EYS: variants seen among roughly 807,000 people sequenced by gnomAD.
The protein encoded by EYS is protein eyes shut homolog.
A neutral mutation model predicts 282.1 loss-of-function variants in EYS; 250 were observed. That is an observed-to-expected ratio of 0.89 (90% CI 0.80 to 0.98). The LOEUF (loss-of-function observed/expected upper bound fraction) is 0.98. EYS is among the 50% of genes least tolerant of loss of function. The pLI, the probability that EYS is intolerant of heterozygous loss-of-function variation, is 0.00. For synonymous variants in EYS, 1,355 were observed against 1,282.9 expected (o/e 1.06, Z -1.20); for missense variants, 4,016 against 3,709.0 (o/e 1.08, Z -2.15).
At chr6:64,899,302 T>G (rs1767573838) in intron 18 of EYS, among the ~76,000 whole-genome samples, 3 of 152,060 alleles carry the variant, frequency 2.0e-5, no homozygotes, top group Admixed American at 6.6e-5. Flanking sequence ...AGAAACTCAC[T>G]CAAAACGACA....
Position 63,721,054 on chromosome 6 carries a change from C to T in EYS, c.8977G>A (p.Gly2993Ser), listed in dbSNP as rs1349176459. ...GCTATTCCCATCCATACAATTAGACCTTCTGTTTTAGTGGTACTGAAATTT... is the reference window on the plus strand; with the variant it reads ...GCTATTCCCATCCATACAATTAGACTTTCTGTTTTAGTGGTACTGAAATTT... The part of the protein sequence containing the change: ...SLNFSTTKTE[G>S]LIVWMGIAQN... Residue 2993 changes from glycine to serine, a missense_variant, in exon 43 of 43, where the codon GGT becomes AGT. Physicochemically the swap from Gly to Ser is moderately conservative, Grantham distance 56. Transcript: ENST00000503581. The T allele has an allele frequency of 1.3e-6, 2 of 1,551,158 alleles. No individual in the cohort carries two copies. The highest frequency in any genetic ancestry group is 1.4e-5 in the African/African-American group (1 of 72,994).
rs7775800 is a variant in EYS at position 65,270,644 on chromosome 6, A to T, written c.2023+25219T>A. Among the ~76,000 whole-genome samples the T allele has an allele frequency of 6.4e-3, 980 of 152,236 alleles. 11 individuals are homozygous for T. Among genetic ancestry groups the T allele is most frequent in the African/African-American group, 0.022 (932 of 41,528 alleles). On this transcript the variant is annotated intron_variant, in intron 12 of 42. Coordinates refer to ENST00000503581, the MANE Select transcript of EYS (RefSeq NM_001142800.2). ...TCTCATCACACATTTTACTATGAAA[A>T]GTCAGAAAGAAGCAAGCACTTCTTC...
chr6:65,055,082 A>G (rs1773374945), intron 13 of EYS, among the ~76,000 whole-genome samples: 1 of 152,044 alleles, frequency 6.6e-6, no homozygotes, highest in Non-Finnish European at 1.5e-5. Context: ...TATGGGGTCA[A>G]CCAATCCTCC....
chr6:64,343,509 C>G (rs1272947034), intron 29 of EYS, among the ~76,000 whole-genome samples: 2 of 151,878 alleles, frequency 1.3e-5, no homozygotes, highest in African/African-American at 2.4e-5. Context: ...TTGAAACCAA[C>G]GAGAACAAAG....
intron 31 of EYS, among the ~76,000 whole-genome samples, chr6:64,089,105 G>A (rs185298886): frequency 5.3e-5 from 8 of 151,836 alleles, no homozygotes; most frequent in Admixed American, 3.3e-4. Context: ...AAAGGACATC[G>A]TACAAACTCT....
intron 12 of EYS, among the ~76,000 whole-genome samples, chr6:65,148,905 G>C (rs1332171482): frequency 6.6e-6 from 1 of 152,092 alleles, no homozygotes; most frequent in Non-Finnish European, 1.5e-5. Context: ...GGCCCAAGCT[G>C]TACCTTGGCC....
intron 32 of EYS, among the ~76,000 whole-genome samples, chr6:64,071,933 C>T (rs1016325882): frequency 6.6e-6 from 1 of 151,410 alleles, no homozygotes; most frequent in Non-Finnish European, 1.5e-5. Flanking sequence ...TGAGGATGAC[C>T]AAGTTGGGGA....
intron 26 of EYS, among the ~76,000 whole-genome samples, chr6:64,468,565 T>G (rs1417701429): frequency 6.6e-6 from 1 of 152,196 alleles, no homozygotes; most frequent in Non-Finnish European, 1.5e-5. Context: ...GTAAATTGCA[T>G]GTCACAGGAA....
intron 2 of EYS, among the ~76,000 whole-genome samples, chr6:65,571,469 A>T (rs1482479245): frequency 6.6e-6 from 1 of 152,030 alleles, no homozygotes; most frequent in Non-Finnish European, 1.5e-5. Context: ...CTTTATAAAT[A>T]TACTTTTCCC....
intron 26 of EYS, among the ~76,000 whole-genome samples, chr6:64,568,617 C>T (rs926779239): frequency 1.3e-5 from 2 of 152,270 alleles, no homozygotes; most frequent in South Asian, 4.1e-4. Flanking sequence ...CCCAGCACAG[C>T]GCTTGAGCTC....
intron 5 of EYS, among the ~76,000 whole-genome samples, chr6:65,433,356 C>T (rs1767952015): frequency 6.6e-6 from 1 of 151,984 alleles, no homozygotes; most frequent in South Asian, 2.1e-4. Flanking sequence ...TGGAACATGA[C>T]CTGATGGACT....
intron 1 of EYS, among the ~76,000 whole-genome samples, chr6:65,650,052 A>C (rs1282837055): frequency 2.6e-5 from 4 of 152,278 alleles, no homozygotes; most frequent in Non-Finnish European, 5.9e-5. Context: ...TCAGTGTTTT[A>C]TCTGAATTAT....
At chr6:64,125,154 GTCTCTCTC>G (rs112304740) in intron 31 of EYS, among the ~76,000 whole-genome samples, 46 of 145,334 alleles carry the variant, frequency 3.2e-4, no homozygotes, top group Non-Finnish European at 5.4e-4. Flanking sequence ...CACACTCTCT[GTCTCTCTC>G]TCTCTCTCTC....
In EYS at chr6:65,515,123, G is replaced by A. The variant is rs1234730059; in HGVS notation, c.-332-19130C>T. On this transcript the variant is annotated intron_variant, in intron 2 of 42. Transcript: ENST00000503581. ...ACAACAAACAACCCCATCAAAAAGT[G>A]GGCAAAGGACATGAACAGACACTTC... 4.6e-5 allele frequency among the ~76,000 whole-genome samples: 7 copies of A among 152,132 alleles called. 1 individual carries two copies. The South Asian group carries it at 1.2e-3, about 27-fold the overall frequency.
chr6:65,583,840 T>C (rs760588251), intron 2 of EYS, among the ~76,000 whole-genome samples: 1 of 152,084 alleles, frequency 6.6e-6, no homozygotes, highest in Non-Finnish European at 1.5e-5. Context: ...TTTTATGTTT[T>C]ACACAAAATA....
chr6:64,842,521 G>A (rs1037486960), intron 19 of EYS, among the ~76,000 whole-genome samples: 2 of 151,938 alleles, frequency 1.3e-5, no homozygotes, highest in African/African-American at 4.8e-5. Flanking sequence ...GGAGAAGACA[G>A]AAAAATGTGG....
At chr6:63,793,225 CT>C (rs1381963242) in intron 37 of EYS, among the ~76,000 whole-genome samples, 1 of 152,124 alleles carries the variant, frequency 6.6e-6, no homozygotes, top group African/African-American at 2.4e-5. Context: ...ATTATTTACA[CT>C]GAAAATGATG....
intron 35 of EYS, among the ~76,000 whole-genome samples, chr6:63,932,259 A>T (rs1248599034): frequency 4.6e-5 from 7 of 151,942 alleles, no homozygotes; most frequent in African/African-American, 1.5e-4. Flanking sequence ...TTGATTTTTT[A>T]TCTTTGCTAT....
chr6:64,211,550 TAATC>T (rs1020979582), intron 31 of EYS, among the ~76,000 whole-genome samples: 1 of 148,986 alleles, frequency 6.7e-6, no homozygotes, highest in Non-Finnish European at 1.5e-5. Context: ...TTTGCTAAAT[TAATC>T]TAATTCATAT....
Sources: gnomAD v4.1 joint callset for allele counts (sites outside exome capture counted in the v4.1 genomes callset) on GRCh38, gnomAD v4.1.1 for gene constraint, MANE v1.5 for transcripts, NCBI Gene and HGNC (gene_info 2026-07-23, HGNC 2026-07-21) for gene names.